The following GATAD2A variants were observed in gnomAD, a reference collection of about 807,000 sequenced individuals.
GATAD2A encodes transcriptional repressor p66-alpha.
Under a neutral mutation model 68.5 loss-of-function variants are expected in GATAD2A, and 12 were observed. The observed-to-expected ratio is 0.18, with a 90% CI of 0.11 to 0.28. GATAD2A has a LOEUF of 0.28. Among genes scored for constraint, GATAD2A ranks in the 10% least tolerant of loss-of-function variants. GATAD2A has a pLI of 1.00. For synonymous variants in GATAD2A, 410 were observed against 375.3 expected (o/e 1.09, Z -1.07); for missense variants, 755 against 868.5 (o/e 0.87, Z 1.64).
intron 8 of GATAD2A, among the ~76,000 whole-genome samples, chr19:19,500,494 G>A (rs1032956589): frequency 6.6e-6 from 1 of 151,042 alleles, no homozygotes; most frequent in African/African-American, 2.4e-5. Context: ...CCTCACGCCC[G>A]AGCACATGCT....
At chr19:19,404,569 C>G (rs546330463), upstream of GATAD2A, among the ~76,000 whole-genome samples, 6 of 152,170 alleles carry the variant, frequency 3.9e-5, no homozygotes, top group East Asian at 1.2e-3. Flanking sequence ...GTAATCCCAG[C>G]TACTGGGGAG....
In GATAD2A at chr19:19,457,041, A is replaced by G. The variant is rs560391507; in HGVS notation, c.-6-8299A>G. On this transcript the variant is annotated intron_variant, in intron 1 of 11. Coordinates refer to ENST00000683918, the MANE Select transcript of GATAD2A (RefSeq NM_001384528.1). ...ATTTGGATGAAACCCTGAGGATCCC[A>G]GAGCTGAAAGTGAGTTTGAAGTGTC... The G allele has an allele frequency of 4.5e-5, 43 of 951,274 alleles. No homozygotes were observed. In the South Asian group the frequency reaches 1.7e-3, roughly 38 times the overall value. 58.9% of individuals were successfully genotyped at this position (951,274 alleles called of 1,614,324 possible).
At position 19,508,768 on chromosome 19, in the gene GATAD2A, A is replaced by G. The variant is rs1397811740; in HGVS notation, c.*3294A>G. The stretch of plus-strand genomic sequence containing the variant: ...GGTGTGGAGGCTGTCACTTGTATTT[A>G]TTGTGACTCTAAATCTTTGATAGTA... On this transcript the variant is annotated 3_prime_UTR_variant, in exon 12 of 12. Transcript: ENST00000683918. 1 of 152,176 alleles carries G rather than the reference A, an allele frequency of 6.6e-6. No individual in the cohort carries two copies. Among genetic ancestry groups the G allele is most frequent in the Non-Finnish European group, 1.5e-5 (1 of 68,028 alleles). The allele number at this position is 152,176 out of a possible 1,614,324, so 9.4% of individuals were successfully genotyped here. A position where few individuals can be genotyped will look rare whatever the true frequency, so the allele number is the denominator to read the frequency against.
chr19:19,426,577 C>G (rs978553917), intron 1 of GATAD2A, among the ~76,000 whole-genome samples: 12 of 152,018 alleles, frequency 7.9e-5, no homozygotes, highest in Non-Finnish European at 4.4e-5. Flanking sequence ...GAGATGCGAT[C>G]TTGGCTCACT....
chr19:19,404,614 G>A (rs2050024547), upstream of GATAD2A, among the ~76,000 whole-genome samples: 1 of 152,148 alleles, frequency 6.6e-6, no homozygotes, highest in Non-Finnish European at 1.5e-5. Flanking sequence ...CTGGGAAGTG[G>A]AGGTTGCAGT....
At chr19:19,465,212 T>C in intron 1 of GATAD2A, 128 bp from the exon 2 acceptor site, 2 of 731,120 alleles carry the variant, frequency 2.7e-6, no homozygotes, top group Non-Finnish European at 4.8e-6. Context: ...GCCCTGCGTT[T>C]GTTGTACATT....
Position 19,457,301 on chromosome 19 carries a change from T to G in GATAD2A, c.-6-8039T>G, listed in dbSNP as rs186280876. The G allele has an allele frequency of 2.2e-3, 1,976 of 904,848 alleles. 5 individuals carry two copies. The highest frequency in any genetic ancestry group is 0.012 in the Middle Eastern group (22 of 1,774). 56.1% of individuals were successfully genotyped at this position (904,848 alleles called of 1,614,324 possible). A position where few individuals can be genotyped will look rare whatever the true frequency, so the allele number is the denominator to read the frequency against. ...TTCTTCCCAGGGGCCTCCCAGAGCT[T>G]CTTCCATAGCCCCAGGCAGGGCAAG... On this transcript the variant is annotated intron_variant, in intron 1 of 11. Transcript: ENST00000683918.
intron 1 of GATAD2A, among the ~76,000 whole-genome samples, chr19:19,427,058 A>G (rs1038432623): frequency 2.6e-5 from 4 of 151,858 alleles, no homozygotes; most frequent in African/African-American, 9.7e-5. Flanking sequence ...CACACTTATG[A>G]TTGCACCTAT....
upstream of GATAD2A, among the ~76,000 whole-genome samples, chr19:19,403,445 G>C (rs1207600178): frequency 6.6e-6 from 1 of 151,854 alleles, no homozygotes; most frequent in Non-Finnish European, 1.5e-5. Context: ...CCTACTCCCC[G>C]TCCGACTTTC....
chr19:19,444,409 C>A (rs1159103401), intron 1 of GATAD2A, among the ~76,000 whole-genome samples: 1 of 152,196 alleles, frequency 6.6e-6, no homozygotes, highest in Non-Finnish European at 1.5e-5. Context: ...CTGTGCCCCC[C>A]ACTCCAGTGT....
intron 2 of GATAD2A, among the ~76,000 whole-genome samples, chr19:19,477,409 G>A (rs2148194319): frequency 6.6e-6 from 1 of 152,280 alleles, no homozygotes; most frequent in African/African-American, 2.4e-5. Flanking sequence ...ATTCCTCAAG[G>A]CAGGGCCCTG....
At chr19:19,407,892 A>T (rs2050459743) in intron 1 of GATAD2A, among the ~76,000 whole-genome samples, 2 of 152,140 alleles carry the variant, frequency 1.3e-5, no homozygotes, top group African/African-American at 4.8e-5. Context: ...CCCCTCCTTC[A>T]TCTTTCAGTT....
At position 19,420,005 on chromosome 19, in the gene GATAD2A, C is replaced by CTTT. The variant is rs397859927; in HGVS notation, c.-7+14007_-7+14009dup. 4.8e-3 allele frequency among the ~76,000 whole-genome samples: 327 copies of CTTT among 68,694 alleles called. 22 individuals are homozygous for CTTT. The highest frequency in any genetic ancestry group is 7.9e-3 in the African/African-American group (109 of 13,786). The allele number at this position is 68,694 out of a possible 152,430, so 45.1% of individuals were successfully genotyped here. ...GTGTGACCTTGGGCAACCATCTTGA[C>CTTT]TTTTTTTTTTTTTTTTTTTTTTTGA... On this transcript the variant is annotated intron_variant, in intron 1 of 11. Coordinates refer to ENST00000683918, the MANE Select transcript of GATAD2A (RefSeq NM_001384528.1).
intron 11 of GATAD2A, 124 bp downstream of exon 11, chr19:19,502,650 C>T (rs1261043322): frequency 2.7e-6 from 2 of 729,168 alleles, no homozygotes; most frequent in South Asian, 1.8e-5. Flanking sequence ...GCTCAGCCTC[C>T]TCGGACTCTG....
chr19:19,448,485 T>G (rs1276841842), intron 1 of GATAD2A, among the ~76,000 whole-genome samples: 1 of 152,022 alleles, frequency 6.6e-6, no homozygotes, highest in Non-Finnish European at 1.5e-5. Flanking sequence ...TTGGTAGTTG[T>G]GTTGTGTTGT....
Position 19,506,368 on chromosome 19 carries a change from G to A in GATAD2A, c.*894G>A, listed in dbSNP as rs779286069. The A allele has an allele frequency of 4.8e-5, 19 of 395,534 alleles. No individual in the cohort carries two copies. Among genetic ancestry groups the A allele is most frequent in the East Asian group, 1.4e-4 (4 of 27,912 alleles). The allele number at this position is 395,534 out of a possible 1,614,324, so 24.5% of individuals were successfully genotyped here. A position where few individuals can be genotyped will look rare whatever the true frequency, so the allele number is the denominator to read the frequency against. Reference sequence around the variant, plus strand: ...GCAGAAAGCTGGAGGGGGGACTGTCGCGGGGTTTTTCTGTTGTGGTTTATT... The same window carrying A: ...GCAGAAAGCTGGAGGGGGGACTGTCACGGGGTTTTTCTGTTGTGGTTTATT... On this transcript the variant is annotated 3_prime_UTR_variant, in exon 12 of 12. Coordinates refer to ENST00000683918, the MANE Select transcript of GATAD2A (RefSeq NM_001384528.1).
At chr19:19,488,709 G>A (rs2059599369) in intron 2 of GATAD2A, among the ~76,000 whole-genome samples, 1 of 152,238 alleles carries the variant, frequency 6.6e-6, no homozygotes, top group Non-Finnish European at 1.5e-5. Context: ...TGGGGGTGGT[G>A]CGTGTCAGCG....
upstream of GATAD2A, among the ~76,000 whole-genome samples, chr19:19,404,127 C>T (rs1257280821): frequency 1.3e-5 from 2 of 151,280 alleles, no homozygotes; most frequent in Non-Finnish European, 2.9e-5. Context: ...GGGGGCAGGG[C>T]GGTGTGTTTG....
intron 1 of GATAD2A, among the ~76,000 whole-genome samples, chr19:19,445,231 T>TG (rs897842213): frequency 6.6e-6 from 1 of 152,150 alleles, no homozygotes; most frequent in African/African-American, 2.4e-5. Context: ...TGTGGTTGTT[T>TG]GGGGTCTTGT....
Sources: gnomAD v4.1 joint callset for allele counts (sites outside exome capture counted in the v4.1 genomes callset) on GRCh38, gnomAD v4.1.1 for gene constraint, MANE v1.5 for transcripts, NCBI Gene and HGNC (gene_info 2026-07-23, HGNC 2026-07-21) for gene names.